The following HDAC9 variants were observed in gnomAD, a reference collection of about 807,000 sequenced individuals.
HDAC9 encodes the protein histone deacetylase 9, also known as MEF-2 interacting transcription repressor (MITR) protein.
A neutral mutation model predicts 139.4 loss-of-function variants in HDAC9; 41 were observed. The observed-to-expected ratio is 0.29, with a 90% CI of 0.23 to 0.38. The LOEUF is 0.38. Ranked by LOEUF, HDAC9 falls within the 10% of genes least tolerant of loss-of-function variation. HDAC9 has a pLI of 1.00. For synonymous variants in HDAC9, 517 were observed against 476.2 expected (o/e 1.09, Z -1.12); for missense variants, 1,147 against 1,297.0 (o/e 0.88, Z 1.78).
intron 1 of HDAC9, among the ~76,000 whole-genome samples, chr7:18,475,068 A>C (rs938783798): frequency 1.3e-5 from 2 of 152,222 alleles, no homozygotes; most frequent in African/African-American, 2.4e-5. Context: ...GTGGCAGCTC[A>C]GGCTTCAAGC....
At chr7:18,091,927 C>G (rs532850596) in intron 1 of HDAC9, among the ~76,000 whole-genome samples, 1 of 152,330 alleles carries the variant, frequency 6.6e-6, no homozygotes, top group Admixed American at 6.5e-5. Flanking sequence ...AACATGGCAT[C>G]TTACTTTTTT....
intron 17 of HDAC9, among the ~76,000 whole-genome samples, chr7:18,798,960 T>C (rs1793048071): frequency 6.6e-6 from 1 of 151,864 alleles, no homozygotes; most frequent in South Asian, 2.1e-4. Flanking sequence ...CAAACTGATT[T>C]TGAGGCTCTG....
chr7:18,157,527 A>G lies in HDAC9; in HGVS notation c.-96-4702A>G, dbSNP rs192631872. The stretch of plus-strand genomic sequence containing the variant: ...CTAGATTAAGAATCCAATCAAGAAC[A>G]AACAATTAATTGAGCTAAGGCAGTA... On this transcript the variant is annotated intron_variant, in intron 1 of 12. Coordinates refer to the HDAC9 transcript ENST00000417496. Among the ~76,000 whole-genome samples, 376 of 152,304 alleles carry G rather than the reference A, an allele frequency of 2.5e-3. 2 individuals carry two copies. The highest frequency in any genetic ancestry group is 6.8e-3 in the Middle Eastern group (2 of 294).
intron 22 of HDAC9, 29 bp from the exon 23 acceptor site, chr7:18,935,780 T>C: frequency 6.2e-7 from 1 of 1,601,906 alleles, no homozygotes; most frequent in Non-Finnish European, 8.5e-7. Flanking sequence ...GATTTAATAC[T>C]TTGAAATGTT....
Position 18,834,004 on chromosome 7 carries a change from G to A in HDAC9, c.2467-1463G>A, listed in dbSNP as rs1562973491. Among the ~76,000 whole-genome samples, 3 of 152,166 alleles carry A rather than the reference G, an allele frequency of 2.0e-5. No individual in the cohort carries two copies. The South Asian group carries it at 6.2e-4, about 32-fold the overall frequency. On this transcript the variant is annotated intron_variant, in intron 19 of 25. Transcript: ENST00000686413. ...ATGAATGTAAGTTTCAGTTAACTGT[G>A]TAATTGTTAAGAGTTTGGCCTTTGG...
chr7:18,308,042 A>G (rs1799046589), intron 1 of HDAC9, among the ~76,000 whole-genome samples: 1 of 152,200 alleles, frequency 6.6e-6, no homozygotes, highest in African/African-American at 2.4e-5. Context: ...ATACCTACAA[A>G]TATACATGTA....
chr7:18,427,567 C>G (rs1562975645), intron 1 of HDAC9, among the ~76,000 whole-genome samples: 1 of 152,056 alleles, frequency 6.6e-6, no homozygotes, highest in Admixed American at 6.6e-5. Flanking sequence ...CTACCATAAT[C>G]CTGCTGATCC....
chr7:18,772,018 C>T (rs1790340995), intron 16 of HDAC9, among the ~76,000 whole-genome samples: 1 of 152,078 alleles, frequency 6.6e-6, no homozygotes, highest in Non-Finnish European at 1.5e-5. Context: ...GAGACAAGAC[C>T]ACTGCTCTCA....
At chr7:18,745,318 C>CT (rs1787836877) in intron 13 of HDAC9, among the ~76,000 whole-genome samples, 1 of 152,088 alleles carries the variant, frequency 6.6e-6, no homozygotes, top group Admixed American at 6.5e-5. Context: ...TTCAAATGGC[C>CT]TTCCAAGAGC....
intron 2 of HDAC9, among the ~76,000 whole-genome samples, chr7:18,501,525 A>C (rs752186508): frequency 2.6e-5 from 4 of 152,208 alleles, no homozygotes; most frequent in Non-Finnish European, 5.9e-5. Flanking sequence ...TGCAGTTTTA[A>C]ATCTGCTTAA....
intron 12 of HDAC9, among the ~76,000 whole-genome samples, chr7:18,723,401 C>T (rs1785285841): frequency 6.6e-6 from 1 of 152,178 alleles, no homozygotes; most frequent in African/African-American, 2.4e-5. Flanking sequence ...AATTTTGTTG[C>T]CAACCCACAA....
chr7:18,543,967 A>C (rs1394952557), intron 2 of HDAC9, among the ~76,000 whole-genome samples: 1 of 152,142 alleles, frequency 6.6e-6, no homozygotes, highest in African/African-American at 2.4e-5. Context: ...GGAAGACACC[A>C]AGATGCTGTA....
At chr7:18,684,813 T>G (rs1392540651) in intron 12 of HDAC9, among the ~76,000 whole-genome samples, 1 of 152,030 alleles carries the variant, frequency 6.6e-6, no homozygotes, top group Non-Finnish European at 1.5e-5. Flanking sequence ...AACTTTTTTC[T>G]TTGCACACTT....
At chr7:18,885,005 C>G (rs1800026186) in intron 22 of HDAC9, among the ~76,000 whole-genome samples, 1 of 152,178 alleles carries the variant, frequency 6.6e-6, no homozygotes, top group Admixed American at 6.5e-5. Flanking sequence ...AGGGGAAAAG[C>G]AGGTCAAAAG....
chr7:18,135,636 C>A (rs1785349372), intron 1 of HDAC9, among the ~76,000 whole-genome samples: 1 of 136,908 alleles, frequency 7.3e-6, no homozygotes, highest in Admixed American at 7.3e-5. Flanking sequence ...ATGAACTCAT[C>A]ATTTTTTATG....
At chr7:18,566,939 G>A (rs181890694) in intron 2 of HDAC9, among the ~76,000 whole-genome samples, 3 of 152,288 alleles carry the variant, frequency 2.0e-5, no homozygotes, top group East Asian at 1.9e-4. Context: ...GTACCATACC[G>A]TATGTTCAGA....
intron 11 of HDAC9, among the ~76,000 whole-genome samples, chr7:18,661,225 G>A (rs1049723380): frequency 2.6e-5 from 4 of 152,082 alleles, no homozygotes; most frequent in Non-Finnish European, 4.4e-5. Context: ...GAGAAACAAG[G>A]ATAAATCCCA....
chr7:18,525,003 A>G (rs917941122), intron 2 of HDAC9, among the ~76,000 whole-genome samples: 3 of 152,138 alleles, frequency 2.0e-5, no homozygotes, highest in Non-Finnish European at 4.4e-5. Flanking sequence ...AAGAAATCTT[A>G]TGAGACTTTA....
upstream of HDAC9, among the ~76,000 whole-genome samples, chr7:18,286,984 T>G (rs558950990): frequency 1.1e-4 from 16 of 152,278 alleles, no homozygotes; most frequent in Non-Finnish European, 2.1e-4. Context: ...GAACACAAGG[T>G]AATGATTCCA....
Sources: allele counts gnomAD v4.1 joint callset (sites outside exome capture counted in the v4.1 genomes callset), GRCh38; gene constraint gnomAD v4.1.1; transcripts MANE v1.5; gene names NCBI Gene and HGNC (gene_info 2026-07-23, HGNC 2026-07-21).